Variants in CNTNAP2 observed in about 807,000 individuals in gnomAD.
CNTNAP2 encodes the protein contactin-associated protein-like 2.
A neutral mutation model predicts 155.2 loss-of-function variants in CNTNAP2; 98 were observed. That is an observed-to-expected ratio of 0.63 (90% CI 0.54 to 0.75). The LOEUF (loss-of-function observed/expected upper bound fraction) is 0.75. Among genes scored for constraint, CNTNAP2 ranks in the 30% least tolerant of loss-of-function variants. The pLI is 0.00. For synonymous variants in CNTNAP2, 651 were observed against 631.2 expected (o/e 1.03, Z -0.47); for missense variants, 1,727 against 1,688.1 (o/e 1.02, Z -0.40).
intron 1 of CNTNAP2, among the ~76,000 whole-genome samples, chr7:146,389,703 C>A (rs868088492): frequency 7.8e-6 from 1 of 129,016 alleles, no homozygotes; most frequent in Non-Finnish European, 1.7e-5. Flanking sequence ...TTTCTTTTTT[C>A]TTTTTTTTTT....
At chr7:147,852,385 T>C (rs1798962577) in intron 13 of CNTNAP2, among the ~76,000 whole-genome samples, 2 of 152,218 alleles carry the variant, frequency 1.3e-5, no homozygotes, top group Non-Finnish European at 2.9e-5. Flanking sequence ...TGAAAAGTTC[T>C]GATTCCTTGA....
chr7:146,492,253 G>C (rs543378949), intron 1 of CNTNAP2, among the ~76,000 whole-genome samples: 1 of 152,016 alleles, frequency 6.6e-6, no homozygotes, highest in African/African-American at 2.4e-5. Flanking sequence ...GAGAGAGAGA[G>C]AGAGACAGAG....
intron 15 of CNTNAP2, among the ~76,000 whole-genome samples, chr7:148,106,239 G>A (rs1440605340): frequency 1.3e-5 from 2 of 152,102 alleles, no homozygotes. Flanking sequence ...TCTCTACTAT[G>A]AGTTTAAGGC....
chr7:147,873,949 T>C (rs955471470), intron 13 of CNTNAP2, among the ~76,000 whole-genome samples: 12 of 152,186 alleles, frequency 7.9e-5, no homozygotes, highest in African/African-American at 1.7e-4. Context: ...AGGGCAGTCA[T>C]TAAACCTTAA....
chr7:148,241,275 A>G lies in CNTNAP2; in HGVS notation c.3381+11496A>G, dbSNP rs370318795. ...AATAAAACGGTAGTTTTCTTCCTTCATTCCCAATTCCCTTCTCTTTCTTAA... is the reference window on the plus strand; with the variant it reads ...AATAAAACGGTAGTTTTCTTCCTTCGTTCCCAATTCCCTTCTCTTTCTTAA... On this transcript the variant is annotated intron_variant, in intron 20 of 23. Transcript: ENST00000361727. 4.6e-5 allele frequency among the ~76,000 whole-genome samples: 7 copies of G among 152,334 alleles called. No homozygotes were observed. In the South Asian group the frequency reaches 1.2e-3, roughly 27 times the overall value.
chr7:147,037,533 C>A (rs1040455906), intron 3 of CNTNAP2, among the ~76,000 whole-genome samples: 2 of 145,466 alleles, frequency 1.4e-5, no homozygotes, highest in Non-Finnish European at 3.0e-5. Flanking sequence ...GCGATCTTGG[C>A]TCACTGCAAC....
chr7:147,422,688 G>A (rs1334558820), intron 10 of CNTNAP2, among the ~76,000 whole-genome samples: 3 of 152,026 alleles, frequency 2.0e-5, no homozygotes, highest in Non-Finnish European at 4.4e-5. Flanking sequence ...AAACTTAATC[G>A]TACTTTAGTA....
rs1291403807 is a variant in CNTNAP2 at position 148,247,619 on chromosome 7, C to A, written c.3381+17840C>A. 3.2e-3 allele frequency among the ~76,000 whole-genome samples: 448 copies of A among 141,972 alleles called. 3 individuals are homozygous for A. Among genetic ancestry groups the A allele is most frequent in the African/African-American group, 9.5e-3 (359 of 37,674 alleles). 93.1% of individuals were successfully genotyped at this position (141,972 alleles called of 152,430 possible). ...ATTCTCTCTCTCTCTCTCTCTCTCT[C>A]TCTCTCTATTTATTTATTTATTTAT... On this transcript the variant is annotated intron_variant, in intron 20 of 23. Transcript: ENST00000361727.
At chr7:147,026,757 T>C (rs1798928868) in intron 3 of CNTNAP2, among the ~76,000 whole-genome samples, 1 of 151,958 alleles carries the variant, frequency 6.6e-6, no homozygotes, top group Non-Finnish European at 1.5e-5. Flanking sequence ...AGCTAATGGC[T>C]ATTAAGACTT....
chr7:146,531,816 A>T (rs1243387773), intron 1 of CNTNAP2, among the ~76,000 whole-genome samples: 2 of 152,178 alleles, frequency 1.3e-5, no homozygotes, highest in African/African-American at 2.4e-5. Context: ...AAGTGCTGGG[A>T]TTAGAGGCAT....
intron 1 of CNTNAP2, among the ~76,000 whole-genome samples, chr7:146,223,900 A>G (rs1218517434): frequency 2.0e-5 from 3 of 152,236 alleles, no homozygotes; most frequent in Non-Finnish European, 2.9e-5. Flanking sequence ...ACAGATTTGC[A>G]TAATTTAGCA....
At chr7:147,176,840 ATAT>A (rs896990529) in intron 8 of CNTNAP2, among the ~76,000 whole-genome samples, 46 of 126,286 alleles carry the variant, frequency 3.6e-4, no homozygotes, top group African/African-American at 1.3e-3. Context: ...ATATAATTAT[ATAT>A]TATAATATAT....
At chr7:146,278,713 T>G (rs764420600) in intron 1 of CNTNAP2, among the ~76,000 whole-genome samples, 2 of 152,172 alleles carry the variant, frequency 1.3e-5, no homozygotes, top group African/African-American at 2.4e-5. Flanking sequence ...AAATAGTGAT[T>G]GATTAACCTT....
chr7:146,661,182 A>T (rs1367533029), intron 1 of CNTNAP2, among the ~76,000 whole-genome samples: 1 of 152,186 alleles, frequency 6.6e-6, no homozygotes, highest in Non-Finnish European at 1.5e-5. Flanking sequence ...CCTGAAAATC[A>T]TGTATCTGGT....
At chr7:146,390,192 C>T (rs1795519747) in intron 1 of CNTNAP2, among the ~76,000 whole-genome samples, 1 of 151,856 alleles carries the variant, frequency 6.6e-6, no homozygotes, top group Admixed American at 6.6e-5. Context: ...ATATTTTGCT[C>T]TTCGTAAATA....
intron 1 of CNTNAP2, among the ~76,000 whole-genome samples, chr7:146,219,946 T>A (rs1315120818): frequency 1.3e-5 from 2 of 152,144 alleles, no homozygotes; most frequent in Non-Finnish European, 2.9e-5. Context: ...GTACAGCCCC[T>A]TAATTTTACA....
intron 1 of CNTNAP2, among the ~76,000 whole-genome samples, chr7:146,495,258 T>A (rs1252177209): frequency 6.6e-6 from 1 of 152,196 alleles, no homozygotes; most frequent in Non-Finnish European, 1.5e-5. Context: ...CTTTATTGTT[T>A]TCTCATTTCC....
intron 21 of CNTNAP2, among the ~76,000 whole-genome samples, chr7:148,369,558 C>G (rs1032677119): frequency 4.0e-5 from 6 of 151,556 alleles, no homozygotes; most frequent in African/African-American, 1.2e-4. Flanking sequence ...TTCATTTAAG[C>G]CAAGATCTAA....
At chr7:147,717,185 A>G (rs112824343) in intron 13 of CNTNAP2, among the ~76,000 whole-genome samples, 1,615 of 152,206 alleles carry the variant, frequency 0.011, 21 homozygotes, top group African/African-American at 0.036. Context: ...CTGAGTAACT[A>G]TGATTTAAAT....
Sources: allele counts gnomAD v4.1 joint callset (sites outside exome capture counted in the v4.1 genomes callset), GRCh38; gene constraint gnomAD v4.1.1; transcripts MANE v1.5; gene names NCBI Gene and HGNC (gene_info 2026-07-23, HGNC 2026-07-21).